The following MRTFB variants were observed in gnomAD, a reference collection of about 807,000 sequenced individuals.
MRTFB encodes myocardin-related transcription factor B.
A neutral mutation model predicts 104.2 loss-of-function variants in MRTFB; 29 were observed. The observed-to-expected ratio is 0.28, with a 90% confidence interval of 0.21 to 0.38. MRTFB has a LOEUF of 0.38. MRTFB is among the 10% of genes least tolerant of loss of function. The probability of loss-of-function intolerance (pLI) is 1.00; values close to 1 mark genes in which losing one functional copy is unlikely to be tolerated. For synonymous variants in MRTFB, 535 were observed against 519.5 expected (o/e 1.03, Z -0.41); for missense variants, 1,270 against 1,341.6 (o/e 0.95, Z 0.83).
At chr16:14,026,864 G>A in the MRTFB span, among the ~76,000 whole-genome samples, 5 of 116,850 alleles carry the variant, frequency 4.3e-5, no homozygotes, top group East Asian at 4.5e-4. Flanking sequence ...AACAACACAC[G>A]TATTAGTATG....
chr16:14,137,206 G>A (rs2037764978), intron 2 of MRTFB, among the ~76,000 whole-genome samples: 1 of 152,146 alleles, frequency 6.6e-6, no homozygotes, highest in African/African-American at 2.4e-5. Flanking sequence ...CTTGCAAAAT[G>A]TCAGAGTAGA....
At chr16:14,124,057 T>C (rs1320145173) in intron 2 of MRTFB, among the ~76,000 whole-genome samples, 2 of 152,244 alleles carry the variant, frequency 1.3e-5, no homozygotes, top group Non-Finnish European at 2.9e-5. Flanking sequence ...ACTCATGATT[T>C]GGCTCTCTGT....
At chr16:14,209,621 A>G (rs1264659754) in intron 3 of MRTFB, among the ~76,000 whole-genome samples, 1 of 152,288 alleles carries the variant, frequency 6.6e-6, no homozygotes, top group Non-Finnish European at 1.5e-5. Flanking sequence ...GCCAGTTCTA[A>G]TAATTTACTC....
intron 15 of MRTFB, among the ~76,000 whole-genome samples, chr16:14,255,046 T>TA (rs1459093116): frequency 6.6e-6 from 1 of 152,116 alleles, no homozygotes; most frequent in Admixed American, 6.5e-5. Flanking sequence ...TAGATGAACT[T>TA]ACCAGAATGG....
intron 2 of MRTFB, among the ~76,000 whole-genome samples, chr16:14,137,949 T>C (rs1204568164): frequency 6.6e-6 from 1 of 152,086 alleles, no homozygotes; most frequent in Non-Finnish European, 1.5e-5. Flanking sequence ...GTCCCATCTC[T>C]TTTTAGTTAC....
chr16:14,256,103 A>C (rs1455852692), intron 15 of MRTFB, among the ~76,000 whole-genome samples: 2 of 137,736 alleles, frequency 1.5e-5, no homozygotes, highest in African/African-American at 6.1e-5. Flanking sequence ...ACAAAGCGAG[A>C]CTGTCTCAAA....
the MRTFB span, among the ~76,000 whole-genome samples, chr16:14,017,909 A>G: frequency 6.6e-6 from 1 of 150,520 alleles, no homozygotes. Context: ...TTCTATAGAA[A>G]TGGGTTCTTG....
the MRTFB span, among the ~76,000 whole-genome samples, chr16:14,031,259 C>T: frequency 6.6e-6 from 1 of 151,976 alleles, no homozygotes; most frequent in Non-Finnish European, 1.5e-5. Flanking sequence ...AGCATGATGG[C>T]ACATGTCTGT....
the MRTFB span, among the ~76,000 whole-genome samples, chr16:14,043,516 C>T: frequency 6.6e-6 from 1 of 152,148 alleles, no homozygotes; most frequent in African/African-American, 2.4e-5. Flanking sequence ...TCTTCCTACC[C>T]ACGCACCAAG....
intron 15 of MRTFB, among the ~76,000 whole-genome samples, chr16:14,254,916 G>A (rs2043414915): frequency 6.6e-6 from 1 of 152,212 alleles, no homozygotes; most frequent in Non-Finnish European, 1.5e-5. Context: ...TGTCCTCAGT[G>A]ATGGAAAAGG....
chr16:14,077,228 G>A (rs1008659164), intron 1 of MRTFB, among the ~76,000 whole-genome samples: 1 of 152,076 alleles, frequency 6.6e-6, no homozygotes, highest in Admixed American at 6.6e-5. Flanking sequence ...GTGCTTTTAT[G>A]GTTTCATTTT....
chr16:14,100,817 T>G (rs1364092014), intron 2 of MRTFB, among the ~76,000 whole-genome samples: 1 of 152,200 alleles, frequency 6.6e-6, no homozygotes, highest in African/African-American at 2.4e-5. Context: ...TTTCAAGGAA[T>G]TTGTCCATTT....
chr16:14,042,584 C>A, the MRTFB span, among the ~76,000 whole-genome samples: 1 of 152,266 alleles, frequency 6.6e-6, no homozygotes, highest in South Asian at 2.1e-4. Flanking sequence ...TCACAGGGCT[C>A]ATCAGTGAAT....
At chr16:14,087,494 G>A (rs769132953) in intron 2 of MRTFB, among the ~76,000 whole-genome samples, 1 of 152,124 alleles carries the variant, frequency 6.6e-6, no homozygotes, top group Non-Finnish European at 1.5e-5. Flanking sequence ...TGGGAATATG[G>A]CTGAAAACCA....
rs2039604891 is a variant in MRTFB, at chr16:14,177,004, TG to T, written c.155-33238del. Among the ~76,000 whole-genome samples, 1 of 152,210 alleles carries T rather than the reference TG, an allele frequency of 6.6e-6. No individual in the cohort carries two copies. Among genetic ancestry groups the T allele is most frequent in the Non-Finnish European group, 1.5e-5 (1 of 68,034 alleles). On this transcript the variant is annotated intron_variant, in intron 3 of 16. Coordinates refer to ENST00000571589, the MANE Select transcript of MRTFB (RefSeq NM_001308142.2). The surrounding 1 kb of genome is among the most constrained non-coding windows in gnomAD (Gnocchi z 4.7). ...GATACTGGAACTAGTTCTTGAAGATTGTTTAAGTACAGTTTCCGTGGGCAGA... is the reference window on the plus strand; with the variant it reads ...GATACTGGAACTAGTTCTTGAAGATTTTTAAGTACAGTTTCCGTGGGCAGA...
intron 3 of MRTFB, among the ~76,000 whole-genome samples, chr16:14,174,186 A>G (rs774721922): frequency 4.6e-5 from 7 of 152,050 alleles, no homozygotes; most frequent in Non-Finnish European, 8.8e-5. Flanking sequence ...TGATTGTGCT[A>G]TTTTGGCCTT....
the MRTFB span, among the ~76,000 whole-genome samples, chr16:14,065,104 T>C: frequency 1.4e-4 from 22 of 152,344 alleles, no homozygotes; most frequent in African/African-American, 5.3e-4. Context: ...GGAATGTTTT[T>C]CCATTTGTTT....
intron 2 of MRTFB, among the ~76,000 whole-genome samples, chr16:14,109,569 T>C (rs956163759): frequency 6.6e-6 from 1 of 152,200 alleles, no homozygotes; most frequent in African/African-American, 2.4e-5. Context: ...GCTATTTTAA[T>C]ATGGACAGCT....
At chr16:13,998,920 T>TG in the MRTFB span, among the ~76,000 whole-genome samples, 8 of 103,914 alleles carry the variant, frequency 7.7e-5, 1 homozygote, top group African/African-American at 2.8e-4. Flanking sequence ...AGGCCGGTCA[T>TG]GGGGGCTCAC....
Sources: gnomAD v4.1 joint callset for allele counts (sites outside exome capture counted in the v4.1 genomes callset) on GRCh38, gnomAD v4.1.1 for gene constraint, Gnocchi (gnomAD v3.1) non-coding constraint, MANE v1.5 for transcripts, NCBI Gene and HGNC (gene_info 2026-07-23, HGNC 2026-07-21) for gene names.